MYO3B: variants seen among roughly 807,000 people sequenced by gnomAD.
The protein encoded by MYO3B is myosin-IIIb.
MYO3B carries 156 observed loss-of-function variants against 174.6 expected under a neutral mutation model. The observed-to-expected ratio is 0.89, with a 90% CI of 0.78 to 1.02. The LOEUF is 1.02. MYO3B is among the 50% of genes least tolerant of loss of function. The pLI is 0.00. For missense variants in MYO3B, 1,632 were observed against 1,639.4 expected (o/e 1.00, Z 0.08); for synonymous variants, 563 against 569.1 (o/e 0.99, Z 0.15).
chr2:170,446,647 A>G (rs1284191185), intron 23 of MYO3B, among the ~76,000 whole-genome samples: 1 of 152,220 alleles, frequency 6.6e-6, no homozygotes, highest in Non-Finnish European at 1.5e-5. Flanking sequence ...AACTCCAGTT[A>G]CTATCTGACT....
intron 7 of MYO3B, among the ~76,000 whole-genome samples, chr2:170,330,638 G>T (rs750199631): frequency 1.1e-4 from 16 of 152,154 alleles, no homozygotes; most frequent in Admixed American, 6.6e-5. Flanking sequence ...GACCCACCAT[G>T]TATGTGTGTA....
chr2:170,538,753 G>A (rs770215635), intron 30 of MYO3B, among the ~76,000 whole-genome samples: 28 of 152,266 alleles, frequency 1.8e-4, no homozygotes, highest in Middle Eastern at 3.4e-3. Flanking sequence ...CGAAGCGGTC[G>A]AGCCCTGGAG....
chr2:170,572,607 C>CAAAAA (rs574487856), intron 32 of MYO3B, among the ~76,000 whole-genome samples: 2,465 of 123,880 alleles, frequency 0.02, 38 homozygotes, highest in East Asian at 0.043. Flanking sequence ...GACCCTATAT[C>CAAAAA]AAAAAAAAAA....
At chr2:170,362,559 T>C (rs2094169660) in intron 8 of MYO3B, among the ~76,000 whole-genome samples, 1 of 152,050 alleles carries the variant, frequency 6.6e-6, no homozygotes, top group Non-Finnish European at 1.5e-5. Context: ...CTCTCCATCC[T>C]ACCTTCTTGG....
chr2:170,242,658 G>A (rs1306152742), intron 7 of MYO3B, among the ~76,000 whole-genome samples: 1 of 152,124 alleles, frequency 6.6e-6, no homozygotes, highest in African/African-American at 2.4e-5. Flanking sequence ...AGGGACTTTG[G>A]GTCCCCACCA....
At chr2:170,449,837 C>A (rs4667640) in intron 23 of MYO3B, among the ~76,000 whole-genome samples, 123,951 of 152,020 alleles carry the variant, frequency 0.82, 51,338 homozygotes, top group Non-Finnish European at 0.89. Flanking sequence ...CAAAAGGATT[C>A]GCAATGTTTA....
At chr2:170,514,645 A>C (rs1170413297) in intron 28 of MYO3B, among the ~76,000 whole-genome samples, 1 of 152,214 alleles carries the variant, frequency 6.6e-6, no homozygotes, top group Admixed American at 6.5e-5. Flanking sequence ...GATCAGTGAC[A>C]CAGTTTCCCC....
chr2:170,463,017 C>T (rs372449891), intron 23 of MYO3B, among the ~76,000 whole-genome samples: 2 of 152,218 alleles, frequency 1.3e-5, no homozygotes, highest in African/African-American at 2.4e-5. Flanking sequence ...ATAATCATTT[C>T]GCCTCATGGC....
At chr2:170,564,211 G>A (rs992465021) in intron 32 of MYO3B, among the ~76,000 whole-genome samples, 3 of 152,194 alleles carry the variant, frequency 2.0e-5, no homozygotes, top group South Asian at 4.1e-4. Context: ...GGTGGCTCAC[G>A]TCTGTAATCC....
intron 9 of MYO3B, among the ~76,000 whole-genome samples, chr2:170,379,586 T>G (rs1465482295): frequency 6.6e-6 from 1 of 152,250 alleles, no homozygotes; most frequent in Non-Finnish European, 1.5e-5. Context: ...CCTGCTGTTT[T>G]ATTTAACAAA....
At chr2:170,323,140 A>G (rs932249982) in intron 7 of MYO3B, among the ~76,000 whole-genome samples, 2 of 152,194 alleles carry the variant, frequency 1.3e-5, no homozygotes, top group African/African-American at 2.4e-5. Context: ...GCTTTGCCTT[A>G]GAGGACAAAT....
chr2:170,184,510 G>T (rs1481965611), intron 1 of MYO3B, among the ~76,000 whole-genome samples: 1 of 152,146 alleles, frequency 6.6e-6, no homozygotes, highest in Admixed American at 6.5e-5. Flanking sequence ...TGTTGCAAAT[G>T]ACAGGATCTC....
chr2:170,486,440 G>T (rs1186802672), intron 25 of MYO3B, among the ~76,000 whole-genome samples: 1 of 151,878 alleles, frequency 6.6e-6, no homozygotes, highest in African/African-American at 2.4e-5. Flanking sequence ...AAGTAGCTGG[G>T]ATTACAGGCA....
chr2:170,648,822 ATAT>A, intron 32 of MYO3B, among the ~76,000 whole-genome samples: 1 of 107,594 alleles, frequency 9.3e-6, no homozygotes, highest in East Asian at 2.8e-4. Context: ...ATTATATAGA[ATAT>A]TATAAATAAT....
intron 29 of MYO3B, among the ~76,000 whole-genome samples, chr2:170,515,491 G>C (rs376617014): frequency 1.8e-4 from 28 of 152,278 alleles, no homozygotes; most frequent in African/African-American, 6.7e-4. Context: ...TGGACAAGAA[G>C]TGGAAACGTG....
At chr2:170,528,799 A>G (rs1401933964) in intron 30 of MYO3B, among the ~76,000 whole-genome samples, 2 of 152,208 alleles carry the variant, frequency 1.3e-5, no homozygotes, top group African/African-American at 2.4e-5. Flanking sequence ...TCTTCTATAT[A>G]GCTGAAGTCA....
intron 21 of MYO3B, 55 bp from the exon 22 acceptor site, chr2:170,407,660 C>T: frequency 6.2e-7 from 1 of 1,605,632 alleles, no homozygotes. Flanking sequence ...TTGCCAGTGT[C>T]ACCAATGACG....
chr2:170,625,724 A>C (rs1696357700), intron 32 of MYO3B, among the ~76,000 whole-genome samples: 1 of 152,152 alleles, frequency 6.6e-6, no homozygotes, highest in Non-Finnish European at 1.5e-5. Context: ...CACTGCTTTA[A>C]ATGTGTCCCA....
At chr2:170,471,868 G>A (rs1479455264) in intron 25 of MYO3B, among the ~76,000 whole-genome samples, 1 of 151,912 alleles carries the variant, frequency 6.6e-6, no homozygotes, top group Non-Finnish European at 1.5e-5. Flanking sequence ...GCACATGCCT[G>A]TAATCCCAAC....
Sources: allele counts gnomAD v4.1 joint callset (sites outside exome capture counted in the v4.1 genomes callset), GRCh38; gene constraint gnomAD v4.1.1; transcripts MANE v1.5; gene names NCBI Gene and HGNC (gene_info 2026-07-23, HGNC 2026-07-21).